The following RARB variants were observed in gnomAD, a reference collection of about 807,000 sequenced individuals.
RARB encodes the protein retinoic acid receptor beta, also known as HBV-activated protein.
In RARB, 17 loss-of-function variants were observed where a neutral mutation model predicts 51.9. That is an observed-to-expected ratio of 0.33 (90% confidence interval 0.22 to 0.49). The LOEUF (loss-of-function observed/expected upper bound fraction) is 0.49. Ranked by LOEUF, RARB falls within the 20% of genes least tolerant of loss-of-function variation. The pLI, the probability that RARB is intolerant of heterozygous loss-of-function variation, is 0.99. For synonymous variants in RARB, 215 were observed against 195.4 expected (o/e 1.10, Z -0.84); for missense variants, 369 against 550.8 (o/e 0.67, Z 3.30).
intron 2 of RARB, among the ~76,000 whole-genome samples, chr3:24,893,304 G>A (rs1454405974): frequency 1.3e-5 from 2 of 152,148 alleles, no homozygotes; most frequent in Non-Finnish European, 2.9e-5. Flanking sequence ...GGTTACATGG[G>A]TTTATTAAGT....
intron 2 of RARB, among the ~76,000 whole-genome samples, chr3:25,495,211 G>GA (rs547637122): frequency 6.6e-6 from 1 of 151,836 alleles, no homozygotes; most frequent in African/African-American, 2.4e-5. Context: ...CATGTGTGAA[G>GA]AAAAAAAATC....
intron 2 of RARB, among the ~76,000 whole-genome samples, chr3:25,036,753 G>A (rs936962886): frequency 1.3e-5 from 2 of 152,082 alleles, no homozygotes; most frequent in East Asian, 3.9e-4. Flanking sequence ...TGTCGAAAAG[G>A]CATCACTACA....
intron 2 of RARB, among the ~76,000 whole-genome samples, chr3:25,464,864 C>A (rs9840661): frequency 0.12 from 17,883 of 152,042 alleles, 1,116 homozygotes; most frequent in Non-Finnish European, 0.14. Context: ...TTAACTTAAT[C>A]TTTAATAATA....
At chr3:25,470,647 C>T (rs865881617) in intron 2 of RARB, among the ~76,000 whole-genome samples, 30 of 152,114 alleles carry the variant, frequency 2.0e-4, no homozygotes, top group South Asian at 2.1e-4. Context: ...TTTTGCATAA[C>T]CCTATATAAA....
intron 5 of RARB, among the ~76,000 whole-genome samples, chr3:25,271,662 A>T (rs1482236645): frequency 6.6e-6 from 1 of 152,222 alleles, no homozygotes; most frequent in Non-Finnish European, 1.5e-5. Context: ...TGCTATTCCC[A>T]AAACTCATTC....
At chr3:25,438,843 AC>A (rs1210497603) in intron 1 of RARB, among the ~76,000 whole-genome samples, 2 of 152,178 alleles carry the variant, frequency 1.3e-5, no homozygotes, top group African/African-American at 2.4e-5. Context: ...AAGAACTGTA[AC>A]TCGCATAGCT....
At chr3:25,477,222 A>G (rs1027888483) in intron 2 of RARB, among the ~76,000 whole-genome samples, 1 of 152,212 alleles carries the variant, frequency 6.6e-6, no homozygotes, top group African/African-American at 2.4e-5. Flanking sequence ...TGCTCATCTG[A>G]GATTCAGAGG....
intron 2 of RARB, among the ~76,000 whole-genome samples, chr3:24,910,454 A>G (rs937592659): frequency 6.6e-6 from 1 of 152,242 alleles, no homozygotes; most frequent in Non-Finnish European, 1.5e-5. Flanking sequence ...AATATAGAGT[A>G]AATATATGAG....
At chr3:25,342,742 A>G (rs1427125052) in intron 5 of RARB, among the ~76,000 whole-genome samples, 1 of 152,190 alleles carries the variant, frequency 6.6e-6, no homozygotes, top group Non-Finnish European at 1.5e-5. Flanking sequence ...CTGCCTTGGT[A>G]GCTAATCTTT....
intron 3 of RARB, among the ~76,000 whole-genome samples, chr3:25,537,350 G>A (rs898448207): frequency 1.3e-4 from 20 of 152,194 alleles, no homozygotes; most frequent in Non-Finnish European, 5.9e-5. Flanking sequence ...TTCTTCCCCT[G>A]AGACTGTCTT....
At chr3:25,361,078 A>T (rs908598719) in intron 5 of RARB, among the ~76,000 whole-genome samples, 14 of 152,166 alleles carry the variant, frequency 9.2e-5, no homozygotes, top group African/African-American at 2.7e-4. Context: ...TGTGTTTTCC[A>T]ATTTGATTTC....
intron 2 of RARB, among the ~76,000 whole-genome samples, chr3:24,996,202 A>G (rs1176246483): frequency 6.6e-6 from 1 of 152,026 alleles, no homozygotes. Flanking sequence ...ATATGTGTCC[A>G]GAAACTTATT....
At chr3:24,918,205 A>G (rs907601087) in intron 2 of RARB, among the ~76,000 whole-genome samples, 1 of 152,232 alleles carries the variant, frequency 6.6e-6, no homozygotes, top group South Asian at 2.1e-4. Flanking sequence ...ACAATGGCAT[A>G]TTATTCAGCA....
At chr3:24,910,081 C>G (rs183455178) in intron 2 of RARB, among the ~76,000 whole-genome samples, 195 of 152,286 alleles carry the variant, frequency 1.3e-3, no homozygotes, top group Non-Finnish European at 1.7e-3. Flanking sequence ...CCACATAAAT[C>G]TGAATCTTTC....
intron 5 of RARB, among the ~76,000 whole-genome samples, chr3:25,313,347 G>A (rs1034100802): frequency 1.3e-5 from 2 of 152,176 alleles, no homozygotes; most frequent in African/African-American, 4.8e-5. Context: ...TTCTAGGGAC[G>A]GCCCTGGCAG....
chr3:25,480,970 C>G (rs1483441055), intron 2 of RARB, among the ~76,000 whole-genome samples: 5 of 152,122 alleles, frequency 3.3e-5, no homozygotes, highest in Non-Finnish European at 7.4e-5. Context: ...GCATTTCTAA[C>G]AAGCTCCCAG....
At chr3:25,229,179 T>G (rs67880640) in intron 5 of RARB, among the ~76,000 whole-genome samples, 17,938 of 152,142 alleles carry the variant, frequency 0.12, 1,163 homozygotes, top group South Asian at 0.26. Flanking sequence ...TGTTGCTGTT[T>G]CAGGCAAACC....
chr3:24,829,482 A>C (rs1397141629), intron 1 of RARB, among the ~76,000 whole-genome samples: 1 of 152,012 alleles, frequency 6.6e-6, no homozygotes, highest in African/African-American at 2.4e-5. Context: ...CGGAGCCCCA[A>C]GCTGGGTCTG....
intron 3 of RARB, among the ~76,000 whole-genome samples, chr3:25,070,532 C>T (rs959848714): frequency 1.3e-5 from 1 of 79,512 alleles, no homozygotes; most frequent in African/African-American, 4.0e-5. Context: ...CAAAATAAGA[C>T]CCCCCACCCA....
Sources: allele counts gnomAD v4.1 joint callset (sites outside exome capture counted in the v4.1 genomes callset), GRCh38; gene constraint gnomAD v4.1.1; transcripts MANE v1.5; gene names NCBI Gene and HGNC (gene_info 2026-07-23, HGNC 2026-07-21).